The following FTO variants were observed in gnomAD, a reference collection of about 807,000 sequenced individuals.
The protein encoded by FTO is FTO alpha-ketoglutarate dependent dioxygenase.
Under a neutral mutation model 63.9 loss-of-function variants are expected in FTO, and 47 were observed. The ratio of observed to expected loss-of-function variants is 0.74; its 90% confidence interval spans 0.58 to 0.94. FTO has a LOEUF of 0.94. FTO is among the 40% of genes least tolerant of loss of function. The pLI is 0.00. For synonymous variants in FTO, 207 were observed against 224.4 expected (o/e 0.92, Z 0.69); for missense variants, 562 against 618.1 (o/e 0.91, Z 0.96).
At chr16:53,851,020 A>G (rs2079776686) in intron 4 of FTO, among the ~76,000 whole-genome samples, 1 of 152,172 alleles carries the variant, frequency 6.6e-6, no homozygotes, top group Non-Finnish European at 1.5e-5. Context: ...GAGAAGTATA[A>G]TATCTTGTTC....
chr16:53,873,916 G>A (rs1326245945), intron 5 of FTO, 51 bp downstream of exon 5: 1 of 1,318,856 alleles, frequency 7.6e-7, no homozygotes, highest in Admixed American at 1.7e-5. Context: ...TGACAGAAGT[G>A]GTTGAATGAG....
At chr16:53,741,334 A>C (rs16952490) in intron 1 of FTO, among the ~76,000 whole-genome samples, 1,873 of 152,258 alleles carry the variant, frequency 0.012, 31 homozygotes, top group East Asian at 0.041. Flanking sequence ...TGAAACAATG[A>C]GGTTATTCTA....
intron 8 of FTO, among the ~76,000 whole-genome samples, chr16:53,972,463 A>G (rs2083346774): frequency 6.6e-6 from 1 of 152,220 alleles, no homozygotes; most frequent in Non-Finnish European, 1.5e-5. Context: ...CATGGAACTA[A>G]AATGATGCCA....
intron 1 of FTO, among the ~76,000 whole-genome samples, chr16:53,708,527 T>A (rs751180476): frequency 8.5e-5 from 13 of 152,222 alleles, no homozygotes; most frequent in Non-Finnish European, 1.8e-4. Flanking sequence ...CATTCCTCTT[T>A]GGTAGATACT....
chr16:53,976,808 G>T (rs1318353918), intron 8 of FTO, among the ~76,000 whole-genome samples: 1 of 151,920 alleles, frequency 6.6e-6, no homozygotes, highest in Admixed American at 6.6e-5. Flanking sequence ...TATTGCTGTT[G>T]TAATGGAATT....
At chr16:54,035,318 G>A (rs1191115308) in intron 8 of FTO, among the ~76,000 whole-genome samples, 6 of 152,180 alleles carry the variant, frequency 3.9e-5, no homozygotes, top group African/African-American at 1.4e-4. Flanking sequence ...TCATTTTGAT[G>A]GGGCCATTGT....
At chr16:54,004,889 T>C (rs2084160015) in intron 8 of FTO, among the ~76,000 whole-genome samples, 1 of 151,790 alleles carries the variant, frequency 6.6e-6, no homozygotes. Context: ...GCTAGTACAG[T>C]GAAACCCCAT....
chr16:54,107,821 A>G (rs75575360), intron 8 of FTO, among the ~76,000 whole-genome samples: 4,296 of 152,314 alleles, frequency 0.028, 140 homozygotes, highest in South Asian at 0.094. Flanking sequence ...CAAAATGTTG[A>G]TGGCAGTTCC....
intron 1 of FTO, among the ~76,000 whole-genome samples, chr16:53,724,703 G>C (rs2076113662): frequency 6.6e-6 from 1 of 152,006 alleles, no homozygotes; most frequent in South Asian, 2.1e-4. Context: ...GGAAATAATG[G>C]GTGGATTTTA....
rs58260417 is a variant in FTO, at chr16:54,089,802, T to C, written c.1365-21960T>C. Reference sequence around the variant, plus strand: ...AAAGATCCTTAACATCATTAGTCAATAGAGAAATGCAAATCGAAACCTCAA... The same window carrying C: ...AAAGATCCTTAACATCATTAGTCAACAGAGAAATGCAAATCGAAACCTCAA... On this transcript the variant is annotated intron_variant, in intron 8 of 8. Coordinates refer to ENST00000471389, the MANE Select transcript of FTO (RefSeq NM_001080432.3). Among the ~76,000 whole-genome samples the C allele has an allele frequency of 6.3e-3, 947 of 150,432 alleles. 8 individuals are homozygous for C. Among genetic ancestry groups the C allele is most frequent in the African/African-American group, 0.022 (887 of 40,898 alleles).
intron 1 of FTO, among the ~76,000 whole-genome samples, chr16:53,808,232 G>C (rs1356562671): frequency 6.6e-6 from 1 of 151,932 alleles, no homozygotes; most frequent in African/African-American, 2.4e-5. Context: ...TACTTGCGAG[G>C]CTGAGTTGGG....
intron 8 of FTO, among the ~76,000 whole-genome samples, chr16:54,021,838 A>G (rs1035502354): frequency 2.0e-5 from 3 of 152,172 alleles, no homozygotes; most frequent in African/African-American, 4.8e-5. Context: ...TAAATGCAGA[A>G]CACAATTATG....
chr16:53,783,045 T>C (rs1382829386), intron 1 of FTO, among the ~76,000 whole-genome samples: 1 of 152,182 alleles, frequency 6.6e-6, no homozygotes, highest in Non-Finnish European at 1.5e-5. Flanking sequence ...CAAACATCGA[T>C]TGAACCTATT....
At chr16:54,049,373 T>C (rs2085260672) in intron 8 of FTO, among the ~76,000 whole-genome samples, 1 of 152,214 alleles carries the variant, frequency 6.6e-6, no homozygotes, top group South Asian at 2.1e-4. Flanking sequence ...TGCCCGTTTA[T>C]GCCGGTAGCA....
At chr16:53,819,118 T>C (rs1334809081) in intron 2 of FTO, among the ~76,000 whole-genome samples, 1 of 152,232 alleles carries the variant, frequency 6.6e-6, no homozygotes, top group Non-Finnish European at 1.5e-5. Flanking sequence ...TTAATGCAAA[T>C]TTGATAGACA....
At chr16:54,023,602 T>C (rs2084648285) in intron 8 of FTO, among the ~76,000 whole-genome samples, 2 of 152,212 alleles carry the variant, frequency 1.3e-5, no homozygotes, top group African/African-American at 2.4e-5. Context: ...TTGCTAAGCC[T>C]CCGTTCCTTC....
At chr16:53,965,453 T>G (rs1217503742) in intron 8 of FTO, among the ~76,000 whole-genome samples, 1 of 152,172 alleles carries the variant, frequency 6.6e-6, no homozygotes, top group Non-Finnish European at 1.5e-5. Flanking sequence ...AGCAGTATCA[T>G]TTAACTGTGT....
intron 4 of FTO, among the ~76,000 whole-genome samples, chr16:53,851,306 AAAAT>A (rs1430144799): frequency 3.0e-5 from 4 of 135,002 alleles, no homozygotes; most frequent in Non-Finnish European, 6.4e-5. Context: ...AAAAAAAAAA[AAAAT>A]TAGCCAGGTG....
At chr16:53,877,101 G>T (rs1018978470) in intron 5 of FTO, among the ~76,000 whole-genome samples, 1 of 152,256 alleles carries the variant, frequency 6.6e-6, no homozygotes, top group African/African-American at 2.4e-5. Context: ...CATGCAGGAA[G>T]TGGCACCCAT....
Sources: gnomAD v4.1 joint callset for allele counts (sites outside exome capture counted in the v4.1 genomes callset) on GRCh38, gnomAD v4.1.1 for gene constraint, MANE v1.5 for transcripts, NCBI Gene and HGNC (gene_info 2026-07-23, HGNC 2026-07-21) for gene names.